The following NALF1 variants were observed in gnomAD, a reference collection of about 807,000 sequenced individuals.
The protein encoded by NALF1 is family with sequence similarity 155 member A.
In NALF1, 3 loss-of-function variants were observed where a neutral mutation model predicts 48.4. The ratio of observed to expected loss-of-function variants is 0.06; its 90% CI spans 0.03 to 0.16. NALF1 has a LOEUF of 0.16. Ranked by LOEUF, NALF1 falls within the 10% of genes least tolerant of loss-of-function variation. The pLI is 1.00. For missense variants in NALF1, 526 were observed against 571.5 expected, an observed-to-expected ratio of 0.92 and a Z score of 0.81; for synonymous variants, 262 against 245.7, an observed-to-expected ratio of 1.07 and a Z score of -0.62.
chr13:107,185,168 C>T (rs557280448), intron 2 of NALF1, among the ~76,000 whole-genome samples: 1 of 152,218 alleles, frequency 6.6e-6, no homozygotes, highest in Admixed American at 6.5e-5. Flanking sequence ...AGAACAGATG[C>T]CCCGCATAGC....
At chr13:107,643,752 G>A (rs1880228912) in intron 1 of NALF1, among the ~76,000 whole-genome samples, 1 of 152,126 alleles carries the variant, frequency 6.6e-6, no homozygotes, top group Admixed American at 6.5e-5. Flanking sequence ...CTGAACCACA[G>A]AGGAAGTAGT....
intron 1 of NALF1, among the ~76,000 whole-genome samples, chr13:107,836,673 T>C (rs983724754): frequency 6.6e-6 from 1 of 152,212 alleles, no homozygotes; most frequent in Non-Finnish European, 1.5e-5. Context: ...TACTTAACAG[T>C]ATTTTTCTAG....
intron 1 of NALF1, among the ~76,000 whole-genome samples, chr13:107,400,017 C>T (rs1883777845): frequency 6.6e-6 from 1 of 151,972 alleles, no homozygotes; most frequent in Non-Finnish European, 1.5e-5. Context: ...TAAAAAAAGA[C>T]AATAGAACTA....
chr13:107,217,640 A>T (rs765876047), intron 1 of NALF1, among the ~76,000 whole-genome samples: 1 of 151,950 alleles, frequency 6.6e-6, no homozygotes, highest in Non-Finnish European at 1.5e-5. Flanking sequence ...TTCTTTTCGG[A>T]GGGAAGCAGG....
rs143782669 is a variant in NALF1 at position 107,282,785 on chromosome 13, G to C, written c.916-72030C>G. On this transcript the variant is annotated intron_variant, in intron 1 of 2. Transcript: ENST00000375915. ...CGTTAGCTCCTGCCAGGTTTTGAGG[G>C]GACTGAACCTCAGGAGAGATGCTGT... Among the ~76,000 whole-genome samples, 839 of 152,220 alleles carry C rather than the reference G, an allele frequency of 5.5e-3. 11 individuals are homozygous for C. Among genetic ancestry groups the C allele is most frequent in the African/African-American group, 0.02 (825 of 41,538 alleles).
intron 1 of NALF1, among the ~76,000 whole-genome samples, chr13:107,720,450 G>A (rs1875949599): frequency 7.2e-6 from 1 of 139,530 alleles, no homozygotes; most frequent in Non-Finnish European, 1.5e-5. Context: ...GGCAGAGGCT[G>A]CAGTGAACCA....
At chr13:107,800,175 G>A (rs1878561402) in intron 1 of NALF1, among the ~76,000 whole-genome samples, 1 of 152,068 alleles carries the variant, frequency 6.6e-6, no homozygotes, top group African/African-American at 2.4e-5. Context: ...GAAAAGGGAA[G>A]CAGAGTGTGG....
chr13:107,741,051 T>C lies in NALF1; in HGVS notation c.915+124631A>G, dbSNP rs952848437. ...GTCCTACTACATACCAGGAATCACA[T>C]TGATTCTCTTGTTTGGTATCAGTAG... On this transcript the variant is annotated intron_variant, in intron 1 of 2. Coordinates refer to ENST00000375915, the MANE Select transcript of NALF1 (RefSeq NM_001080396.3). Among the ~76,000 whole-genome samples the C allele has an allele frequency of 6.6e-5, 10 of 152,222 alleles. No individual in the cohort carries two copies. The East Asian group carries it at 7.7e-4, about 12-fold the overall frequency.
chr13:107,403,060 G>C (rs770172726), intron 1 of NALF1, among the ~76,000 whole-genome samples: 41 of 151,872 alleles, frequency 2.7e-4, no homozygotes, highest in Non-Finnish European at 5.0e-4. Context: ...CCCAGGTTTG[G>C]ATGTCCACAG....
intron 1 of NALF1, among the ~76,000 whole-genome samples, chr13:107,470,572 CA>C (rs1345705198): frequency 1.3e-5 from 2 of 152,158 alleles, no homozygotes; most frequent in Non-Finnish European, 2.9e-5. Flanking sequence ...AATAGTCACA[CA>C]AATACACATA....
intron 1 of NALF1, among the ~76,000 whole-genome samples, chr13:107,449,422 G>A (rs774517038): frequency 4.7e-4 from 71 of 152,150 alleles, no homozygotes; most frequent in Non-Finnish European, 8.1e-4. Context: ...GAAAGAAATG[G>A]ATGAAAAAGG....
chr13:107,434,697 C>T (rs1390668584), intron 1 of NALF1, among the ~76,000 whole-genome samples: 1 of 152,272 alleles, frequency 6.6e-6, no homozygotes, highest in East Asian at 1.9e-4. Flanking sequence ...TCTAGCTCTG[C>T]CACTTAAAAG....
intron 1 of NALF1, among the ~76,000 whole-genome samples, chr13:107,864,386 T>C (rs1010233805): frequency 6.6e-6 from 1 of 152,212 alleles, no homozygotes; most frequent in Non-Finnish European, 1.5e-5. Flanking sequence ...GCCTTTCGAC[T>C]GTGTTCATTT....
chr13:107,336,500 A>G (rs1214180795), intron 1 of NALF1, among the ~76,000 whole-genome samples: 1 of 152,144 alleles, frequency 6.6e-6, no homozygotes, highest in Admixed American at 6.6e-5. Flanking sequence ...ATTGCTATCA[A>G]TGCAATAGCC....
At chr13:107,438,596 G>C (rs941427100) in intron 1 of NALF1, among the ~76,000 whole-genome samples, 2 of 151,812 alleles carry the variant, frequency 1.3e-5, no homozygotes, top group Non-Finnish European at 2.9e-5. Flanking sequence ...CAGGTCAGGA[G>C]ATCAAGACCA....
chr13:107,762,587 T>A (rs1485549987), intron 1 of NALF1, among the ~76,000 whole-genome samples: 1 of 152,092 alleles, frequency 6.6e-6, no homozygotes, highest in African/African-American at 2.4e-5. Flanking sequence ...AGGCAGGTTT[T>A]GAAATGAGTT....
At chr13:107,743,333 C>T (rs893064983) in intron 1 of NALF1, among the ~76,000 whole-genome samples, 1 of 152,164 alleles carries the variant, frequency 6.6e-6, no homozygotes, top group African/African-American at 2.4e-5. Flanking sequence ...GTTTCAGTCT[C>T]AACTTTCAGA....
chr13:107,688,896 A>T (rs1881503105), intron 1 of NALF1, among the ~76,000 whole-genome samples: 1 of 152,210 alleles, frequency 6.6e-6, no homozygotes, highest in Non-Finnish European at 1.5e-5. Context: ...AAATGACACC[A>T]AAGTGCTGCA....
intron 1 of NALF1, among the ~76,000 whole-genome samples, chr13:107,858,940 C>A (rs1055064215): frequency 6.6e-6 from 1 of 152,220 alleles, no homozygotes; most frequent in African/African-American, 2.4e-5. Flanking sequence ...TAATAATGAT[C>A]GTCTATTTAA....
Sources: gnomAD v4.1 joint callset for allele counts (sites outside exome capture counted in the v4.1 genomes callset) on GRCh38, gnomAD v4.1.1 for gene constraint, MANE v1.5 for transcripts, NCBI Gene and HGNC (gene_info 2026-07-23, HGNC 2026-07-21) for gene names.